Variants in DCC observed in about 807,000 individuals in gnomAD.
DCC encodes netrin receptor DCC.
Under a neutral mutation model 172.5 loss-of-function variants are expected in DCC, and 58 were observed. The ratio of observed to expected loss-of-function variants is 0.34; its 90% CI spans 0.27 to 0.42. The LOEUF (loss-of-function observed/expected upper bound fraction) is 0.42, where lower values mean the gene tolerates loss of function less well. Ranked by LOEUF, DCC falls within the 10% of genes least tolerant of loss-of-function variation. DCC has a pLI of 1.00. For missense variants in DCC, 1,740 were observed against 1,791.0 expected (o/e 0.97, Z 0.51); for synonymous variants, 709 against 644.5 (o/e 1.10, Z -1.52).
At position 53,530,564 on chromosome 18, in the gene DCC, G is replaced by A. The variant is rs1568190960; in HGVS notation, c.4255G>A (p.Val1419Met). 2.0e-6 allele frequency: 3 copies of A among 1,507,636 alleles called. No individual in the cohort carries two copies. Among genetic ancestry groups the A allele is most frequent in the Admixed American group, 3.3e-5 (2 of 59,872 alleles). 93.4% of individuals were successfully genotyped at this position (1,507,636 alleles called of 1,614,324 possible). The change falls in exon 29 of 29, where the codon GTG becomes ATG. Residue 1419 changes from valine (V) to methionine (M), a missense_variant and splice_region_variant. This residue lies in a region of DCC where 1,732 missense variants were observed against 1,767.4 expected (regional missense o/e 0.98). Transcript: ENST00000442544. ...SHKPTEDSAN[V>M]YEQDDLSEQM... ...CTCTTGGCTCTCATTCTCTTTATAG[G>A]TGTATGAACAGGATGATCTGAGTGA... is the stretch of plus-strand genomic sequence containing the variant.
At chr18:53,197,604 C>A (rs559599051) in intron 9 of DCC, among the ~76,000 whole-genome samples, 23 of 151,944 alleles carry the variant, frequency 1.5e-4, no homozygotes, top group African/African-American at 5.1e-4. Flanking sequence ...TATAATGGCT[C>A]GGAGACATCA....
intron 5 of DCC, among the ~76,000 whole-genome samples, chr18:53,030,799 ACT>A: frequency 1.3e-5 from 2 of 152,294 alleles, no homozygotes; most frequent in East Asian, 3.9e-4. Flanking sequence ...ACTAACAGTA[ACT>A]CTGTTGAAAT....
At chr18:52,872,324 T>C (rs895755889) in intron 2 of DCC, among the ~76,000 whole-genome samples, 8 of 151,252 alleles carry the variant, frequency 5.3e-5, no homozygotes, top group Non-Finnish European at 1.2e-4. Flanking sequence ...TCAGAGAGAA[T>C]CGACAATGGT....
At chr18:52,384,718 T>G (rs1985724065) in intron 1 of DCC, among the ~76,000 whole-genome samples, 1 of 152,188 alleles carries the variant, frequency 6.6e-6, no homozygotes, top group South Asian at 2.1e-4. Context: ...AAATGGACTT[T>G]GTTTCATTTG....
chr18:52,575,163 G>A (rs2033380563), intron 1 of DCC, among the ~76,000 whole-genome samples: 1 of 152,098 alleles, frequency 6.6e-6, no homozygotes, highest in Admixed American at 6.6e-5. Context: ...ACTTTAATGA[G>A]TTATATTTTT....
At chr18:52,907,530 C>A (rs921830213) in intron 3 of DCC, among the ~76,000 whole-genome samples, 1 of 152,084 alleles carries the variant, frequency 6.6e-6, no homozygotes, top group African/African-American at 2.4e-5. Flanking sequence ...GTTCCTCCCA[C>A]CTCAGCCTCA....
chr18:52,642,507 G>A (rs2034929406), intron 1 of DCC, among the ~76,000 whole-genome samples: 1 of 151,808 alleles, frequency 6.6e-6, no homozygotes, highest in African/African-American at 2.4e-5. Context: ...AACTTGCTCT[G>A]GGCAAAGACA....
At chr18:52,648,519 C>A (rs1172720594) in intron 1 of DCC, among the ~76,000 whole-genome samples, 1 of 152,132 alleles carries the variant, frequency 6.6e-6, no homozygotes, top group African/African-American at 2.4e-5. Context: ...GACTTCAATG[C>A]CAAAGAGCTT....
At chr18:53,150,028 G>T (rs1372502446) in intron 7 of DCC, among the ~76,000 whole-genome samples, 1 of 152,190 alleles carries the variant, frequency 6.6e-6, no homozygotes, top group Non-Finnish European at 1.5e-5. Context: ...GCATCGTTAT[G>T]TGAACACACC....
chr18:52,967,750 A>C (rs540578857), intron 5 of DCC, among the ~76,000 whole-genome samples: 1 of 152,300 alleles, frequency 6.6e-6, no homozygotes, highest in East Asian at 1.9e-4. Flanking sequence ...CTTCAAAAAT[A>C]TATTCGGTAT....
chr18:52,427,880 C>CTTCCTTCCTTCCTTCCTTCT (rs1987494486), intron 1 of DCC, among the ~76,000 whole-genome samples: 1 of 128,204 alleles, frequency 7.8e-6, no homozygotes, highest in African/African-American at 2.8e-5. Context: ...TCCTTCCTTC[C>CTTCCTTCCTTCCTTCCTTCT]TTCCTTCCTT....
chr18:52,500,530 G>T (rs1423600597), intron 1 of DCC, among the ~76,000 whole-genome samples: 3 of 152,090 alleles, frequency 2.0e-5, no homozygotes, highest in Non-Finnish European at 4.4e-5. Context: ...TTCCTTTGTT[G>T]TACAATTATT....
At chr18:53,053,140 C>G (rs2042356568) in intron 5 of DCC, among the ~76,000 whole-genome samples, 1 of 152,058 alleles carries the variant, frequency 6.6e-6, no homozygotes. Context: ...AAGACTCCAT[C>G]TCAAACAAAA....
intron 5 of DCC, among the ~76,000 whole-genome samples, chr18:52,930,157 G>T (rs916094152): frequency 2.6e-5 from 4 of 151,688 alleles, no homozygotes; most frequent in Non-Finnish European, 5.9e-5. Flanking sequence ...TAGAGACAGG[G>T]TCTGGTTATA....
chr18:53,453,195 G>A (rs1258168745), intron 23 of DCC, among the ~76,000 whole-genome samples: 1 of 152,150 alleles, frequency 6.6e-6, no homozygotes, highest in Non-Finnish European at 1.5e-5. Context: ...AATTACAGGT[G>A]TGAGCCACCG....
At chr18:52,771,894 A>G (rs2037351090) in intron 2 of DCC, among the ~76,000 whole-genome samples, 1 of 150,424 alleles carries the variant, frequency 6.6e-6, no homozygotes, top group Admixed American at 6.6e-5. Context: ...AAAGAAAAAG[A>G]AAGAACAAGG....
chr18:53,510,030 A>ATTT (rs1244556548), intron 27 of DCC, among the ~76,000 whole-genome samples: 13 of 152,134 alleles, frequency 8.5e-5, no homozygotes, highest in Non-Finnish European at 1.8e-4. Flanking sequence ...ACAATCTCTT[A>ATTT]TTTTTATTGC....
In DCC at chr18:53,065,479, G is replaced by A. The variant is rs117781656; in HGVS notation, c.1141-567G>A. Among the ~76,000 whole-genome samples, 803 of 152,174 alleles carry A rather than the reference G, an allele frequency of 5.3e-3. 6 individuals are homozygous for A. The highest frequency in any genetic ancestry group is 0.022 in the Admixed American group (343 of 15,282). On this transcript the variant is annotated intron_variant, in intron 6 of 28. Coordinates refer to ENST00000442544, the MANE Select transcript of DCC (RefSeq NM_005215.4). ...GCCATACAATAAGAACCACATGGGT[G>A]TAAAATATTCACCATACTCCCCTCT...
At chr18:53,179,389 T>C (rs2144480885) in intron 9 of DCC, among the ~76,000 whole-genome samples, 1 of 152,340 alleles carries the variant, frequency 6.6e-6, no homozygotes, top group South Asian at 2.1e-4. Context: ...GAAAGTGATT[T>C]ACTCTTCCTG....
Sources: allele counts gnomAD v4.1 joint callset (sites outside exome capture counted in the v4.1 genomes callset), GRCh38; gene constraint gnomAD v4.1.1; regional missense constraint gnomAD v4.1.1; transcripts MANE v1.5; gene names NCBI Gene and HGNC (gene_info 2026-07-23, HGNC 2026-07-21).